The following LRP1B variants were observed in gnomAD, a reference collection of about 807,000 sequenced individuals.
The protein encoded by LRP1B is low-density lipoprotein receptor-related protein 1B.
In LRP1B, 217 loss-of-function variants were observed where a neutral mutation model predicts 556.6. That is an observed-to-expected ratio of 0.39 (90% CI 0.35 to 0.44). The LOEUF (loss-of-function observed/expected upper bound fraction) is 0.44. Among genes scored for constraint, LRP1B ranks in the 20% least tolerant of loss-of-function variants. The probability of loss-of-function intolerance (pLI) is 1.00; values close to 1 mark genes in which losing one functional copy is unlikely to be tolerated. For missense variants in LRP1B, 5,053 were observed against 5,620.8 expected, an observed-to-expected ratio of 0.90 and a Z score of 3.23; for synonymous variants, 2,047 against 1,865.8, an observed-to-expected ratio of 1.10 and a Z score of -2.50.
chr2:140,474,736 C>G (rs188001392), intron 60 of LRP1B, among the ~76,000 whole-genome samples: 6,220 of 151,786 alleles, frequency 0.041, 170 homozygotes, highest in Non-Finnish European at 0.047. Flanking sequence ...CATAGCTTAA[C>G]TGATAACTTA....
Position 140,922,945 on chromosome 2 carries a change from C to T in LRP1B, c.3319+20G>A. 1.2e-6 allele frequency: 2 copies of T among 1,604,290 alleles called. No individual in the cohort carries two copies. The highest frequency in any genetic ancestry group is 1.7e-6 in the Non-Finnish European group (2 of 1,174,560). ...ACACTCAGGGAGACCCAATAGAAGC[C>T]AAAAGCAATGTTCACTTACCTGTAC... On this transcript the variant is annotated intron_variant, in intron 21 of 90. Transcript: ENST00000389484.
intron 2 of LRP1B, among the ~76,000 whole-genome samples, chr2:141,642,432 T>C (rs1181818972): frequency 3.3e-5 from 5 of 152,090 alleles, no homozygotes; most frequent in Admixed American, 6.6e-5. Context: ...GTGTGCAGGC[T>C]TTATAGGAAA....
chr2:141,864,828 G>A (rs1236209687), intron 1 of LRP1B, among the ~76,000 whole-genome samples: 1 of 152,172 alleles, frequency 6.6e-6, no homozygotes, highest in Non-Finnish European at 1.5e-5. Context: ...GCTGCAGTGA[G>A]CCGAGATCAC....
chr2:141,534,901 C>T (rs1685016473), intron 2 of LRP1B, among the ~76,000 whole-genome samples: 1 of 152,014 alleles, frequency 6.6e-6, no homozygotes, highest in South Asian at 2.1e-4. Context: ...TCTGTTTCCC[C>T]CCACTACTTC....
intron 1 of LRP1B, among the ~76,000 whole-genome samples, chr2:141,890,032 G>A (rs1270811672): frequency 6.9e-6 from 1 of 144,148 alleles, no homozygotes; most frequent in Non-Finnish European, 1.5e-5. Flanking sequence ...ATTCCTTGCA[G>A]TTTTTCATTC....
chr2:141,478,698 C>A (rs1362024689), intron 3 of LRP1B, among the ~76,000 whole-genome samples: 2 of 151,968 alleles, frequency 1.3e-5, no homozygotes, highest in Admixed American at 6.6e-5. Context: ...CCCCTGCCAC[C>A]ACAGCCGGCT....
In LRP1B at chr2:141,964,547, C is replaced by G. The variant is rs201197867; in HGVS notation, c.83-154146G>C. On this transcript the variant is annotated intron_variant, in intron 1 of 90. Coordinates refer to ENST00000389484, the MANE Select transcript of LRP1B (RefSeq NM_018557.3). ...TGGGAAAACTGGCTAGCCATATGTA[C>G]AAAGCTGAAACTGGATCCCTTCCTT... Among the ~76,000 whole-genome samples, 117 of 151,704 alleles carry G rather than the reference C, an allele frequency of 7.7e-4. 1 individual carries two copies. The highest frequency in any genetic ancestry group is 6.1e-3 in the East Asian group (31 of 5,086).
chr2:141,340,913 A>G (rs1265285118), intron 3 of LRP1B, among the ~76,000 whole-genome samples: 1 of 152,216 alleles, frequency 6.6e-6, no homozygotes. Flanking sequence ...CAAACTCAAG[A>G]GGAGAGTTTG....
At chr2:141,328,643 G>A (rs941939688) in intron 3 of LRP1B, among the ~76,000 whole-genome samples, 7 of 152,274 alleles carry the variant, frequency 4.6e-5, no homozygotes, top group Admixed American at 2.0e-4. Flanking sequence ...TAATAATTAC[G>A]TGGTATTCAT....
chr2:141,977,217 C>T (rs1701911253), intron 1 of LRP1B, among the ~76,000 whole-genome samples: 1 of 151,964 alleles, frequency 6.6e-6, no homozygotes. Flanking sequence ...TCTTATTATC[C>T]AGTAAGCTTT....
intron 3 of LRP1B, among the ~76,000 whole-genome samples, chr2:141,298,014 G>C (rs995694684): frequency 2.0e-5 from 3 of 152,128 alleles, no homozygotes; most frequent in African/African-American, 7.2e-5. Context: ...GCATTTCTCA[G>C]AATGTGTCTT....
At chr2:140,815,721 A>T (rs911021994) in intron 31 of LRP1B, among the ~76,000 whole-genome samples, 10 of 152,174 alleles carry the variant, frequency 6.6e-5, no homozygotes, top group Admixed American at 4.6e-4. Context: ...CTACAATATA[A>T]AGTTTACATC....
intron 37 of LRP1B, among the ~76,000 whole-genome samples, chr2:140,703,871 G>A (rs1283140839): frequency 6.6e-6 from 1 of 152,130 alleles, no homozygotes; most frequent in East Asian, 1.9e-4. Context: ...GTATTCCACA[G>A]TATAGATGTA....
chr2:141,535,368 C>T (rs57688311), intron 2 of LRP1B, among the ~76,000 whole-genome samples: 1 of 152,062 alleles, frequency 6.6e-6, no homozygotes, highest in African/African-American at 2.4e-5. Flanking sequence ...GGTATTAGTT[C>T]ATGGCTAAAA....
chr2:141,202,731 T>G (rs1573644677), intron 6 of LRP1B, among the ~76,000 whole-genome samples: 1 of 111,178 alleles, frequency 9.0e-6, no homozygotes, highest in African/African-American at 2.9e-5. Flanking sequence ...AAATGTCTGT[T>G]CATGTTTTTG....
At chr2:141,226,506 T>G (rs943172724) in intron 6 of LRP1B, among the ~76,000 whole-genome samples, 3 of 152,136 alleles carry the variant, frequency 2.0e-5, no homozygotes, top group Admixed American at 6.6e-5. Context: ...TAGCAATCCT[T>G]TGAAAACTAA....
chr2:141,602,679 G>A (rs1687789505), intron 2 of LRP1B, among the ~76,000 whole-genome samples: 1 of 152,064 alleles, frequency 6.6e-6, no homozygotes, highest in Admixed American at 6.6e-5. Flanking sequence ...TCCTCTGCTT[G>A]CCAGGATACA....
At chr2:141,881,892 G>A (rs543089089) in intron 1 of LRP1B, among the ~76,000 whole-genome samples, 1 of 152,100 alleles carries the variant, frequency 6.6e-6, no homozygotes, top group East Asian at 1.9e-4. Flanking sequence ...AATTTATGTG[G>A]GGAACTCTAG....
At chr2:142,016,988 G>A (rs985768084) in intron 1 of LRP1B, among the ~76,000 whole-genome samples, 1 of 149,654 alleles carries the variant, frequency 6.7e-6, no homozygotes, top group Admixed American at 6.7e-5. Flanking sequence ...ATATATGTAT[G>A]TGTGTGTGTA....
Sources: gnomAD v4.1 joint callset for allele counts (sites outside exome capture counted in the v4.1 genomes callset) on GRCh38, gnomAD v4.1.1 for gene constraint, MANE v1.5 for transcripts, NCBI Gene and HGNC (gene_info 2026-07-23, HGNC 2026-07-21) for gene names.